Variants in RBM28 observed in about 807,000 individuals in gnomAD.
The protein encoded by RBM28 is RNA binding motif protein 28.
A neutral mutation model predicts 98.3 loss-of-function variants in RBM28; 78 were observed. The ratio of observed to expected loss-of-function variants is 0.79; its 90% CI spans 0.66 to 0.96. The LOEUF is 0.96. RBM28 is among the 40% of genes least tolerant of loss of function. RBM28 has a pLI of 0.00. For synonymous variants in RBM28, 306 were observed against 330.9 expected (o/e 0.92, Z 0.82); for missense variants, 838 against 913.0 (o/e 0.92, Z 1.06).
At chr7:128,330,999 G>A in intron 9 of RBM28, 71 bp from the exon 10 acceptor site, 1 of 1,030,032 alleles carries the variant, frequency 9.7e-7, no homozygotes, top group Non-Finnish European at 1.5e-6. Context: ...CCAGGACAAT[G>A]TAAGTGAGTT....
intron 3 of RBM28, 59 bp downstream of exon 3, chr7:128,339,168 T>C (rs1328045303): frequency 7.2e-7 from 1 of 1,383,048 alleles, no homozygotes; most frequent in South Asian, 1.2e-5. Flanking sequence ...CTACTAATGA[T>C]CACATCTTGG....
At position 128,298,236 on chromosome 7, in the gene RBM28, C is replaced by T. The variant is rs1371268386; in HGVS notation, c.*12561G>A. ...TCAGAAGCATGTGATCTTTGTTCTG[C>T]TTTTGCCCTTTGAAGCATGTGATCT... On this transcript the variant is annotated 3_prime_UTR_variant, in exon 19 of 19. Coordinates refer to ENST00000223073, the MANE Select transcript of RBM28 (RefSeq NM_018077.3). 6.6e-6 allele frequency: 1 copy of T among 152,186 alleles called. No homozygotes were observed. Among genetic ancestry groups the T allele is most frequent in the Admixed American group, 6.5e-5 (1 of 15,270 alleles). 9.4% of individuals were successfully genotyped at this position (152,186 alleles called of 1,614,324 possible). A position where few individuals can be genotyped will look rare whatever the true frequency, so the allele number is the denominator to read the frequency against.
chr7:128,316,013 C>G (rs1222829273), intron 16 of RBM28, among the ~76,000 whole-genome samples: 1 of 151,886 alleles, frequency 6.6e-6, no homozygotes, highest in African/African-American at 2.4e-5. Flanking sequence ...GTGGAAGAAA[C>G]AGAAGATTCA....
At chr7:128,339,836 GGAGA>G (rs774548715) in intron 1 of RBM28, 45 bp from the exon 2 acceptor site, 4 of 1,588,488 alleles carry the variant, frequency 2.5e-6, no homozygotes, top group African/African-American at 2.7e-5. Context: ...AGTGTGAAAA[GGAGA>G]GAGAATCATA....
At chr7:128,311,783 C>T (rs1308738851) in intron 18 of RBM28, among the ~76,000 whole-genome samples, 5 of 152,120 alleles carry the variant, frequency 3.3e-5, no homozygotes, top group Admixed American at 6.5e-5. Context: ...AAGCATTTAT[C>T]CTGTCTTTCC....
intron 3 of RBM28, among the ~76,000 whole-genome samples, 162 bp from the exon 4 acceptor site, chr7:128,338,963 T>C (rs760895069): frequency 2.6e-5 from 4 of 152,218 alleles, no homozygotes; most frequent in Non-Finnish European, 5.9e-5. Flanking sequence ...ACATTTTACT[T>C]TGTACCTAAG....
At chr7:128,336,430 T>G (rs1164675586) in intron 6 of RBM28, among the ~76,000 whole-genome samples, 6 of 152,212 alleles carry the variant, frequency 3.9e-5, no homozygotes, top group African/African-American at 1.4e-4. Flanking sequence ...CCCTGGTGGC[T>G]TACCAGCCAA....
At chr7:128,335,360 AAAC>A (rs777286939) in intron 8 of RBM28, among the ~76,000 whole-genome samples, 180 bp downstream of exon 8, 1 of 152,218 alleles carries the variant, frequency 6.6e-6, no homozygotes, top group Non-Finnish European at 1.5e-5. Context: ...AACAAAAAGG[AAAC>A]AACAAAAAAA....
At chr7:128,335,763 T>C in intron 7 of RBM28, 84 bp from the exon 8 acceptor site, 2 of 1,613,348 alleles carry the variant, frequency 1.2e-6, no homozygotes, top group African/African-American at 1.3e-5. Context: ...TCTGCAATGA[T>C]GCAGGCAGAA....
Position 128,301,159 on chromosome 7 carries a change from T to G in RBM28, c.*9638A>C, listed in dbSNP as rs890982638. 10 of 152,250 alleles carry G rather than the reference T, an allele frequency of 6.6e-5. No homozygotes were observed. The highest frequency in any genetic ancestry group is 2.0e-4 in the Admixed American group (3 of 15,288). The allele number at this position is 152,250 out of a possible 1,614,324, so 9.4% of individuals were successfully genotyped here. A position where few individuals can be genotyped will look rare whatever the true frequency, so the allele number is the denominator to read the frequency against. On this transcript the variant is annotated 3_prime_UTR_variant, in exon 19 of 19. Transcript: ENST00000223073. ...GTGGGCAACCAGTCTTTCTCCCCTT[T>G]CCTGTGAATTCACTCAGGACACTGG...
rs779553923 is a variant in RBM28, at chr7:128,310,333, C to G, written c.*464G>C. ...TCCTGCAGTGTGTAAGACTACAGAGCTGAATTAGGAATGTCAAAGAATGTT... is the reference window on the plus strand; with the variant it reads ...TCCTGCAGTGTGTAAGACTACAGAGGTGAATTAGGAATGTCAAAGAATGTT... On this transcript the variant is annotated 3_prime_UTR_variant, in exon 19 of 19. Coordinates refer to ENST00000223073, the MANE Select transcript of RBM28 (RefSeq NM_018077.3). 3 of 237,004 alleles carry G rather than the reference C, an allele frequency of 1.3e-5. No homozygotes were observed. Among genetic ancestry groups the G allele is most frequent in the South Asian group, 1.1e-4 (2 of 17,406 alleles). 14.7% of individuals were successfully genotyped at this position (237,004 alleles called of 1,614,324 possible).
rs542357593 is a variant in RBM28 at position 128,310,908 on chromosome 7, T to C, written c.2169A>G (p.Gly723=). The C allele has an allele frequency of 6.2e-7, 1 of 1,613,596 alleles. No homozygotes were observed. The highest frequency in any genetic ancestry group is 8.5e-7 in the Non-Finnish European group (1 of 1,179,518). The part of the protein sequence containing the change: ...SEQVSRKKAK[G]NKTETRFNQL... ...GGTTGAAGCGGGTTTCCGTCTTATT[T>C]CCCTTAGCTTTTTTCCTAGATACCT... Residue 723 remains glycine, a synonymous_variant, in exon 19 of 19, where the codon GGA becomes GGG. Coordinates refer to ENST00000223073, the MANE Select transcript of RBM28 (RefSeq NM_018077.3).
intron 12 of RBM28, 71 bp from the exon 13 acceptor site, chr7:128,323,662 T>C (rs1016893155): frequency 3.9e-6 from 6 of 1,555,130 alleles, no homozygotes; most frequent in African/African-American, 2.7e-5. Context: ...GGAATGTGAT[T>C]TGAATGATGC....
intron 5 of RBM28, among the ~76,000 whole-genome samples, chr7:128,337,890 A>G (rs958941844): frequency 4.6e-5 from 7 of 152,122 alleles, no homozygotes; most frequent in African/African-American, 1.4e-4. Context: ...ACAGTACTTG[A>G]TAAGTCAATA....
intron 18 of RBM28, among the ~76,000 whole-genome samples, chr7:128,311,215 T>C (rs1375733829): frequency 6.6e-6 from 1 of 152,178 alleles, no homozygotes; most frequent in Non-Finnish European, 1.5e-5. Context: ...AGGCTCACTT[T>C]AGCCTCAAAG....
chr7:128,328,965 A>G (rs1253737980), intron 10 of RBM28, among the ~76,000 whole-genome samples: 3 of 150,490 alleles, frequency 2.0e-5, no homozygotes, highest in Non-Finnish European at 4.4e-5. Flanking sequence ...TTTTTTTTTA[A>G]AGAGATGGAG....
chr7:128,313,750 C>T (rs1200446041), intron 17 of RBM28, among the ~76,000 whole-genome samples: 3 of 152,154 alleles, frequency 2.0e-5, no homozygotes, highest in African/African-American at 7.2e-5. Flanking sequence ...TGGTTTAGCG[C>T]CATCCCCTCA....
intron 11 of RBM28, 80 bp from the exon 12 acceptor site, chr7:128,324,774 G>A (rs932540398): frequency 3.6e-5 from 57 of 1,594,538 alleles, no homozygotes; most frequent in African/African-American, 5.4e-5. Flanking sequence ...AGCACTTTGG[G>A]AGGCTGAGGC....
At chr7:128,329,100 C>CA (rs1796415631) in intron 10 of RBM28, among the ~76,000 whole-genome samples, 1 of 149,920 alleles carries the variant, frequency 6.7e-6, no homozygotes, top group African/African-American at 2.4e-5. Flanking sequence ...AGGTCTTAAA[C>CA]TTTTTTTTTT....
Sources: allele counts gnomAD v4.1 joint callset (sites outside exome capture counted in the v4.1 genomes callset), GRCh38; gene constraint gnomAD v4.1.1; transcripts MANE v1.5; gene names NCBI Gene and HGNC (gene_info 2026-07-23, HGNC 2026-07-21).